The following GRIK1 variants were observed in gnomAD, a reference collection of about 807,000 sequenced individuals.
GRIK1 encodes glutamate receptor ionotropic, kainate 1.
Under a neutral mutation model 105.7 loss-of-function variants are expected in GRIK1, and 69 were observed. The observed-to-expected ratio is 0.65, with a 90% CI of 0.54 to 0.80. GRIK1 has a LOEUF of 0.80. Among genes scored for constraint, GRIK1 ranks in the 30% least tolerant of loss-of-function variants. GRIK1 has a pLI of 0.00. For missense variants in GRIK1, 1,109 were observed against 1,167.3 expected (o/e 0.95, Z 0.73); for synonymous variants, 438 against 431.3 (o/e 1.02, Z -0.19).
intron 16 of GRIK1, among the ~76,000 whole-genome samples, chr21:29,540,855 A>G (rs2089956925): frequency 6.6e-6 from 1 of 152,156 alleles, no homozygotes; most frequent in African/African-American, 2.4e-5. Context: ...CGGGATACTC[A>G]GGTAGTATTT....
rs888846298 is a variant in GRIK1, at chr21:29,799,999, G to A, written c.119-105936C>T. 4.6e-5 allele frequency among the ~76,000 whole-genome samples: 7 copies of A among 152,186 alleles called. No homozygotes were observed. In the East Asian group the frequency reaches 7.7e-4, roughly 17 times the overall value. On this transcript the variant is annotated intron_variant, in intron 1 of 17. Transcript: ENST00000327783. ...TTATTTAATCATAAGAGGCTTCTCCGAACTTCTTCTGCAAATGAGATTGTT... is the reference window on the plus strand; with the variant it reads ...TTATTTAATCATAAGAGGCTTCTCCAAACTTCTTCTGCAAATGAGATTGTT...
intron 1 of GRIK1, among the ~76,000 whole-genome samples, chr21:29,703,449 C>CTT (rs80050816): frequency 0.28 from 42,944 of 152,052 alleles, 9,915 homozygotes; most frequent in African/African-American, 0.63. Flanking sequence ...TATAGCCTCT[C>CTT]TATTGCCACA....
intron 1 of GRIK1, among the ~76,000 whole-genome samples, chr21:29,882,964 GC>G (rs1441116559): frequency 3.3e-5 from 5 of 151,912 alleles, no homozygotes; most frequent in Non-Finnish European, 5.9e-5. Context: ...TTTCCAACCA[GC>G]CCCCAAGGTC....
At chr21:29,603,988 A>G (rs2061567134) in intron 7 of GRIK1, among the ~76,000 whole-genome samples, 2 of 152,194 alleles carry the variant, frequency 1.3e-5, no homozygotes, top group Admixed American at 6.5e-5. Flanking sequence ...AATTTGGTAC[A>G]TTGTCCAGAA....
intron 4 of GRIK1, among the ~76,000 whole-genome samples, chr21:29,669,930 G>A (rs1050671009): frequency 6.6e-6 from 1 of 152,158 alleles, no homozygotes; most frequent in Non-Finnish European, 1.5e-5. Flanking sequence ...AGCAAGTTAA[G>A]CTGGATCACA....
chr21:29,711,570 A>G (rs1569002394), intron 1 of GRIK1, among the ~76,000 whole-genome samples: 1 of 152,016 alleles, frequency 6.6e-6, no homozygotes, highest in South Asian at 2.1e-4. Flanking sequence ...AGAAAATAGT[A>G]TCAATGTGAC....
At chr21:29,598,172 A>G (rs1222222852) in intron 8 of GRIK1, among the ~76,000 whole-genome samples, 1 of 152,240 alleles carries the variant, frequency 6.6e-6, no homozygotes, top group Non-Finnish European at 1.5e-5. Flanking sequence ...TTGAGGAGCC[A>G]AATTCTTTTA....
At chr21:29,923,238 C>T (rs1326120092) in intron 1 of GRIK1, among the ~76,000 whole-genome samples, 3 of 152,152 alleles carry the variant, frequency 2.0e-5, no homozygotes, top group Non-Finnish European at 4.4e-5. Flanking sequence ...TTCACTTCTG[C>T]ATATTACTTT....
At chr21:29,687,713 A>G (rs1490293099) in intron 3 of GRIK1, among the ~76,000 whole-genome samples, 1 of 152,222 alleles carries the variant, frequency 6.6e-6, no homozygotes, top group Non-Finnish European at 1.5e-5. Flanking sequence ...TGGATGTCAC[A>G]TATGTGTGGC....
intron 15 of GRIK1, among the ~76,000 whole-genome samples, chr21:29,560,562 T>TTCTC (rs2090447159): frequency 1.7e-5 from 2 of 119,500 alleles, no homozygotes; most frequent in Admixed American, 8.8e-5. Flanking sequence ...CTTTCTTTCT[T>TTCTC]TCTTTCTTTC....
rs13049660 is a variant in GRIK1 at position 29,632,428 on chromosome 21, A to C, written c.1098+10398T>G. Among the ~76,000 whole-genome samples the C allele has an allele frequency of 4.5e-3, 680 of 152,282 alleles. 5 individuals are homozygous for C. The highest frequency in any genetic ancestry group is 7.3e-3 in the Non-Finnish European group (497 of 68,026). ...TAGTGAAAAATGAATGAACTGGATAAATAATATGTACCAACTTAGATATAA... is the reference window on the plus strand; with the variant it reads ...TAGTGAAAAATGAATGAACTGGATACATAATATGTACCAACTTAGATATAA... On this transcript the variant is annotated intron_variant, in intron 7 of 17. Transcript: ENST00000327783.
chr21:29,624,177 T>C (rs1259571371), intron 7 of GRIK1, among the ~76,000 whole-genome samples: 2 of 152,226 alleles, frequency 1.3e-5, no homozygotes, highest in African/African-American at 2.4e-5. Context: ...TGGCAGTGAC[T>C]ACACTCATGA....
At chr21:29,912,733 T>C (rs1366477673) in intron 1 of GRIK1, among the ~76,000 whole-genome samples, 2 of 152,068 alleles carry the variant, frequency 1.3e-5, no homozygotes, top group South Asian at 2.1e-4. Flanking sequence ...GTATATTTGT[T>C]CCAGGGGTTG....
chr21:29,629,165 G>T (rs539094583), intron 7 of GRIK1, among the ~76,000 whole-genome samples: 15 of 151,218 alleles, frequency 9.9e-5, no homozygotes, highest in Non-Finnish European at 1.9e-4. Flanking sequence ...TATACACAGT[G>T]TAGTTTTGGA....
At chr21:29,902,598 A>G (rs1391701288) in intron 1 of GRIK1, among the ~76,000 whole-genome samples, 1 of 152,206 alleles carries the variant, frequency 6.6e-6, no homozygotes, top group East Asian at 1.9e-4. Flanking sequence ...GATGTGAAGG[A>G]CCTCTTCAAG....
intron 1 of GRIK1, among the ~76,000 whole-genome samples, chr21:29,919,961 T>C (rs908935546): frequency 2.0e-5 from 3 of 152,134 alleles, no homozygotes; most frequent in African/African-American, 7.2e-5. Context: ...ATTCCCTGTG[T>C]TCTTTGACAA....
chr21:29,895,331 G>A (rs185134954), intron 1 of GRIK1, among the ~76,000 whole-genome samples: 1 of 152,168 alleles, frequency 6.6e-6, no homozygotes, highest in Non-Finnish European at 1.5e-5. Context: ...TGTCTAGGAG[G>A]CATGTGGATA....
chr21:29,909,970 C>G (rs377102003), intron 1 of GRIK1, among the ~76,000 whole-genome samples: 58 of 152,176 alleles, frequency 3.8e-4, no homozygotes, highest in African/African-American at 1.3e-3. Context: ...CAAGCTGAAC[C>G]CTCGTCTGAA....
At chr21:29,866,617 T>C (rs188565133) in intron 1 of GRIK1, among the ~76,000 whole-genome samples, 83 of 152,178 alleles carry the variant, frequency 5.5e-4, no homozygotes, top group African/African-American at 1.9e-3. Context: ...GATCTAAAAT[T>C]GGGAAGTGAA....
Sources: allele counts gnomAD v4.1 joint callset (sites outside exome capture counted in the v4.1 genomes callset), GRCh38; gene constraint gnomAD v4.1.1; transcripts MANE v1.5; gene names NCBI Gene and HGNC (gene_info 2026-07-23, HGNC 2026-07-21).